Variants in SNX29 observed in about 807,000 individuals in gnomAD.
SNX29 encodes the protein sorting nexin 29, also known as sorting nexin-29.
A neutral mutation model predicts 102.1 loss-of-function variants in SNX29; 78 were observed. The ratio of observed to expected loss-of-function variants is 0.76; its 90% CI spans 0.64 to 0.92. SNX29 has a LOEUF of 0.92. Ranked by LOEUF, SNX29 falls within the 40% of genes least tolerant of loss-of-function variation. SNX29 has a pLI of 0.00. For synonymous variants in SNX29, 580 were observed against 414.5 expected, an observed-to-expected ratio of 1.40 and a Z score of -4.85; for missense variants, 1,280 against 1,061.7, an observed-to-expected ratio of 1.21 and a Z score of -2.86.
In SNX29 at chr16:12,236,577, G is replaced by T. The variant is rs540057057; in HGVS notation, c.1678+36894G>T. Among the ~76,000 whole-genome samples, 4 of 152,268 alleles carry T rather than the reference G, an allele frequency of 2.6e-5. No homozygotes were observed. In the South Asian group the frequency reaches 8.3e-4, roughly 32 times the overall value. ...TCACCTACTCTGGAAAGACTCTGTGGGTCCATTGAATGCTATTCTTCCTCC... is the reference window on the plus strand; with the variant it reads ...TCACCTACTCTGGAAAGACTCTGTGTGTCCATTGAATGCTATTCTTCCTCC... On this transcript the variant is annotated intron_variant, in intron 14 of 20. Transcript: ENST00000566228.
At chr16:12,352,597 A>T (rs2082019609) in intron 15 of SNX29, among the ~76,000 whole-genome samples, 1 of 152,228 alleles carries the variant, frequency 6.6e-6, no homozygotes, top group South Asian at 2.1e-4. Flanking sequence ...AGCCCAAAAG[A>T]TGAAACCCAG....
intron 16 of SNX29, among the ~76,000 whole-genome samples, chr16:12,360,338 CATT>C (rs1353198325): frequency 6.6e-6 from 1 of 151,954 alleles, no homozygotes; most frequent in Non-Finnish European, 1.5e-5. Flanking sequence ...TCTTTTTTGT[CATT>C]ATTGTGGAAG....
At chr16:12,456,900 G>A (rs561503776) in intron 18 of SNX29, among the ~76,000 whole-genome samples, 265 of 152,262 alleles carry the variant, frequency 1.7e-3, no homozygotes, top group Non-Finnish European at 3.1e-3. Flanking sequence ...AAGGCCCGGG[G>A]CATTAGCATC....
chr16:12,101,386 AT>A (rs980544871), intron 11 of SNX29, among the ~76,000 whole-genome samples: 2,281 of 106,334 alleles, frequency 0.021, 21 homozygotes, highest in Middle Eastern at 0.062. Context: ...CCCCAATTTT[AT>A]TTTTTTTTTT....
chr16:12,373,573 CCTG>C (rs1232126123), intron 16 of SNX29: 1 of 152,158 alleles, frequency 6.6e-6, no homozygotes, highest in Non-Finnish European at 1.5e-5. Flanking sequence ...ATAGCACTCT[CCTG>C]CTTTATTTTT....
chr16:12,232,623 GGAAAC>G (rs1169366808), intron 14 of SNX29, among the ~76,000 whole-genome samples: 1 of 152,168 alleles, frequency 6.6e-6, no homozygotes, highest in Admixed American at 6.5e-5. Flanking sequence ...GTGGAGTAGT[GGAAAC>G]GTTGGGGAAT....
At chr16:12,445,924 A>C (rs141737659) in intron 18 of SNX29, among the ~76,000 whole-genome samples, 144 of 152,312 alleles carry the variant, frequency 9.5e-4, no homozygotes, top group African/African-American at 3.3e-3. Context: ...TAAGCTAGTA[A>C]ATGTGTGTGA....
chr16:12,057,282 C>T (rs1197597350), intron 8 of SNX29, among the ~76,000 whole-genome samples: 3 of 152,180 alleles, frequency 2.0e-5, no homozygotes, highest in Non-Finnish European at 4.4e-5. Flanking sequence ...TTTTGCCCAT[C>T]ATATTTGCGG....
chr16:12,214,479 C>G (rs887271650), intron 14 of SNX29, among the ~76,000 whole-genome samples: 3 of 152,146 alleles, frequency 2.0e-5, no homozygotes, highest in African/African-American at 7.2e-5. Context: ...TTTTAAGTTT[C>G]TAATTGCAGC....
At chr16:12,220,471 C>T (rs529799835) in intron 14 of SNX29, among the ~76,000 whole-genome samples, 7 of 152,044 alleles carry the variant, frequency 4.6e-5, no homozygotes, top group East Asian at 1.9e-4. Context: ...GCAGACTCTG[C>T]GTGACCTGCT....
chr16:12,083,996 G>A (rs917861309), intron 11 of SNX29, among the ~76,000 whole-genome samples: 22 of 152,288 alleles, frequency 1.4e-4, no homozygotes, highest in African/African-American at 5.1e-4. Flanking sequence ...ATTGCAAAGG[G>A]TGTTTTGTCC....
At chr16:12,007,965 A>G (rs1324931200) in intron 3 of SNX29, among the ~76,000 whole-genome samples, 2 of 151,680 alleles carry the variant, frequency 1.3e-5, no homozygotes, top group Non-Finnish European at 2.9e-5. Context: ...TTTTTTTGAG[A>G]TGGAGTCTCG....
intron 15 of SNX29, among the ~76,000 whole-genome samples, chr16:12,311,625 C>T (rs2080552040): frequency 1.3e-5 from 2 of 152,256 alleles, no homozygotes. Flanking sequence ...GCGTGGCTGG[C>T]CATGCCTAGA....
intron 18 of SNX29, among the ~76,000 whole-genome samples, chr16:12,450,083 T>C (rs2086238505): frequency 6.6e-6 from 1 of 152,232 alleles, no homozygotes; most frequent in Non-Finnish European, 1.5e-5. Context: ...TTGTTCTCTC[T>C]TGCCTGCCAC....
At chr16:12,056,983 A>G (rs2050548017) in intron 8 of SNX29, among the ~76,000 whole-genome samples, 1 of 151,860 alleles carries the variant, frequency 6.6e-6, no homozygotes, top group Non-Finnish European at 1.5e-5. Context: ...CACCACGCCC[A>G]GCTAATTTTT....
At chr16:12,490,059 G>A (rs1328103843) in intron 19 of SNX29, among the ~76,000 whole-genome samples, 1 of 152,184 alleles carries the variant, frequency 6.6e-6, no homozygotes, top group African/African-American at 2.4e-5. Flanking sequence ...GCCCACCTCA[G>A]CCTCCCAAAG....
At chr16:12,515,623 C>A (rs1408320085) in intron 19 of SNX29, 1 of 486,386 alleles carries the variant, frequency 2.1e-6, no homozygotes, top group Non-Finnish European at 4.1e-6. Context: ...CTCCCAGGTG[C>A]CTTCCTGTCC....
chr16:12,233,112 TTCCTCC>T (rs111575420), intron 14 of SNX29, among the ~76,000 whole-genome samples: 6 of 151,896 alleles, frequency 4.0e-5, no homozygotes, highest in African/African-American at 1.5e-4. Context: ...TGTCTTTGTC[TTCCTCC>T]TCCTCCTCCT....
chr16:12,449,845 G>C (rs1171486506), intron 18 of SNX29, among the ~76,000 whole-genome samples: 2 of 152,172 alleles, frequency 1.3e-5, no homozygotes, highest in East Asian at 1.9e-4. Flanking sequence ...GCAGACAACA[G>C]CTGTACATTT....
Sources: allele counts gnomAD v4.1 joint callset (sites outside exome capture counted in the v4.1 genomes callset), GRCh38; gene constraint gnomAD v4.1.1; transcripts MANE v1.5; gene names NCBI Gene and HGNC (gene_info 2026-07-23, HGNC 2026-07-21).